CLEC2D: variants seen among roughly 807,000 people sequenced by gnomAD.
The protein encoded by CLEC2D is C-type lectin related f.
A neutral mutation model predicts 20.0 loss-of-function variants in CLEC2D; 16 were observed. The observed-to-expected ratio is 0.80, with a 90% CI of 0.54 to 1.22. CLEC2D has a LOEUF of 1.22. Among genes scored for constraint, CLEC2D ranks in the 50% most tolerant of loss-of-function variants. The pLI, the probability that CLEC2D is intolerant of heterozygous loss-of-function variation, is 0.00. For synonymous variants in CLEC2D, 77 were observed against 71.1 expected (o/e 1.08, Z -0.42); for missense variants, 207 against 221.5 (o/e 0.93, Z 0.42).
At chr12:9,678,368 T>C (rs1865567499) in intron 1 of CLEC2D, among the ~76,000 whole-genome samples, 1 of 152,198 alleles carries the variant, frequency 6.6e-6, no homozygotes, top group Non-Finnish European at 1.5e-5. Flanking sequence ...TGTGTGTCTT[T>C]ATATTTAAAG....
intron 2 of CLEC2D, among the ~76,000 whole-genome samples, chr12:9,685,797 G>C (rs777924244): frequency 2.6e-5 from 4 of 152,196 alleles, no homozygotes; most frequent in Non-Finnish European, 5.9e-5. Context: ...GGGCTCTGTG[G>C]GGATTGGACC....
rs1865971357 is a variant in CLEC2D, at chr12:9,695,772, G to A, written c.*898G>A. 3.6e-6 allele frequency: 5 copies of A among 1,383,902 alleles called. No individual in the cohort carries two copies. Among genetic ancestry groups the A allele is most frequent in the South Asian group, 2.3e-5 (2 of 86,482 alleles). The allele number at this position is 1,383,902 out of a possible 1,614,324, so 85.7% of individuals were successfully genotyped here. On this transcript the variant is annotated 3_prime_UTR_variant, in exon 5 of 5. Coordinates refer to ENST00000290855, the MANE Select transcript of CLEC2D (RefSeq NM_013269.6). Reference sequence around the variant, plus strand: ...GTGCAGAGTCAGAAGATGAAGAAGAGGAGGATGTGAAACTCTTAAGTATAT... The same window carrying A: ...GTGCAGAGTCAGAAGATGAAGAAGAAGAGGATGTGAAACTCTTAAGTATAT...
In CLEC2D at chr12:9,688,096, T is replaced by C. The variant is rs745333829; in HGVS notation, c.357+10T>C. ...AAGCTTCCAGGAACTGGTAAGAAAATAGTTCTGGCCAGAATCAAAGATTCA... is the reference window on the plus strand; with the variant it reads ...AAGCTTCCAGGAACTGGTAAGAAAACAGTTCTGGCCAGAATCAAAGATTCA... On this transcript the variant is annotated intron_variant, in intron 3 of 4. Coordinates refer to ENST00000290855, the MANE Select transcript of CLEC2D (RefSeq NM_013269.6). 9 of 1,569,664 alleles carry C rather than the reference T, an allele frequency of 5.7e-6. No homozygotes were observed. In the African/African-American group the frequency reaches 1.1e-4, roughly 19 times the overall value.
At chr12:9,674,490 C>T (rs1406276747) in intron 1 of CLEC2D, among the ~76,000 whole-genome samples, 5 of 152,182 alleles carry the variant, frequency 3.3e-5, no homozygotes, top group Admixed American at 2.0e-4. Flanking sequence ...ACCTGCCTTC[C>T]GCATTCATCT....
At chr12:9,683,329 GTGTTTGTT>G (rs1865680652) in intron 2 of CLEC2D, among the ~76,000 whole-genome samples, 25 of 83,766 alleles carry the variant, frequency 3.0e-4, no homozygotes, top group African/African-American at 9.1e-4. Flanking sequence ...TTTGTTTTTT[GTGTTTGTT>G]TTTTTTTTTT....
chr12:9,672,344 C>A (rs984766022), intron 1 of CLEC2D, among the ~76,000 whole-genome samples: 1 of 152,188 alleles, frequency 6.6e-6, no homozygotes, highest in African/African-American at 2.4e-5. Context: ...ACTTTGGAGA[C>A]ACATTCAAAC....
At chr12:9,674,567 T>C (rs1865486324) in intron 1 of CLEC2D, among the ~76,000 whole-genome samples, 4 of 152,240 alleles carry the variant, frequency 2.6e-5, no homozygotes, top group Admixed American at 2.6e-4. Context: ...AAGTATGTTT[T>C]CTTTTGTAAG....
In CLEC2D at chr12:9,687,981, A is replaced by C; in HGVS notation, c.252A>C (p.Arg84Ser). 6.2e-7 allele frequency: 1 copy of C among 1,612,848 alleles called. No individual in the cohort carries two copies. Among genetic ancestry groups the C allele is most frequent in the Non-Finnish European group, 8.5e-7 (1 of 1,179,424 alleles). The change falls in exon 3 of 5, where the codon AGA becomes AGC. Residue 84 changes from arginine (R) to serine (S), a missense_variant. Arg to Ser is a moderately radical substitution (Grantham distance 110). Transcript: ENST00000290855. ...ACPESWIGFQ[R>S]KCFYFSDDTK... ...CAGAAAGCTGGATTGGTTTTCAAAG[A>C]AAGTGTTTCTATTTTTCTGATGACA...
chr12:9,690,830 C>T (rs935386067), intron 3 of CLEC2D, among the ~76,000 whole-genome samples: 10 of 151,802 alleles, frequency 6.6e-5, no homozygotes, highest in Admixed American at 2.6e-4. Context: ...CAGTAACAGA[C>T]AACTTGAGAA....
At chr12:9,684,089 A>C (rs970705973) in intron 2 of CLEC2D, among the ~76,000 whole-genome samples, 2 of 152,112 alleles carry the variant, frequency 1.3e-5, no homozygotes, top group African/African-American at 2.4e-5. Context: ...GAGGTCCTTC[A>C]CATCTCTTGT....
intron 2 of CLEC2D, among the ~76,000 whole-genome samples, chr12:9,681,818 A>C (rs898802865): frequency 1.3e-5 from 2 of 152,202 alleles, no homozygotes; most frequent in African/African-American, 4.8e-5. Context: ...TTCATTTGCA[A>C]ATCTTTTGCT....
rs1865897497 is a variant in CLEC2D at position 9,692,903 on chromosome 12, T to C, written c.433T>C (p.Trp145Arg). The C allele has an allele frequency of 1.9e-6, 3 of 1,613,684 alleles. No individual in the cohort carries two copies. The highest frequency in any genetic ancestry group is 2.5e-6 in the Non-Finnish European group (3 of 1,179,736). ...LSREQGQPWK[W>R]INGTEWTRQF... ...CAGAGAACAAGGCCAACCATGGAAA[T>C]GGATAAATGGTACTGAATGGACAAG... The change falls in exon 4 of 5, where the codon TGG becomes CGG. Residue 145 changes from tryptophan to arginine, a missense_variant. Physicochemically the swap from Trp to Arg is moderately radical, Grantham distance 101. Coordinates refer to ENST00000290855, the MANE Select transcript of CLEC2D (RefSeq NM_013269.6).
chr12:9,679,356 TATA>T (rs1298136199), intron 1 of CLEC2D, among the ~76,000 whole-genome samples: 1 of 152,160 alleles, frequency 6.6e-6, no homozygotes, highest in African/African-American at 2.4e-5. Flanking sequence ...TGTTTTTTGA[TATA>T]AGACAAGTCT....
In CLEC2D at chr12:9,671,249, A is replaced by T. The variant is rs377562837; in HGVS notation, c.61+1454A>T. 5.3e-5 allele frequency among the ~76,000 whole-genome samples: 8 copies of T among 152,182 alleles called. No individual in the cohort carries two copies. The South Asian group carries it at 8.3e-4, about 16-fold the overall frequency. On this transcript the variant is annotated intron_variant, in intron 1 of 4. Coordinates refer to ENST00000290855, the MANE Select transcript of CLEC2D (RefSeq NM_013269.6). ...GATTTCTTTTCTTTTTTTGAGGTGG[A>T]GTCTCACTCTGTCCCCCAGGCTGGA...
chr12:9,677,125 C>G (rs925035723), intron 1 of CLEC2D, among the ~76,000 whole-genome samples: 2 of 150,670 alleles, frequency 1.3e-5, no homozygotes, highest in African/African-American at 2.4e-5. Context: ...TATTTCTGCT[C>G]TAATTATTTC....
chr12:9,674,481 C>T (rs1865484461), intron 1 of CLEC2D, among the ~76,000 whole-genome samples: 2 of 152,242 alleles, frequency 1.3e-5, no homozygotes, highest in South Asian at 4.1e-4. Flanking sequence ...GCAGAATTCA[C>T]CTGCCTTCCG....
chr12:9,695,537 G>A lies in CLEC2D; in HGVS notation c.*663G>A, dbSNP rs1865963303. On this transcript the variant is annotated 3_prime_UTR_variant, in exon 5 of 5. Transcript: ENST00000290855. ...TTAAGAACGGTCAGCTCAGGGGCTG[G>A]TGCAAAGGATGAACTGCACATTGTT... The A allele has an allele frequency of 7.8e-7, 1 of 1,287,270 alleles. No homozygotes were observed. Among genetic ancestry groups the A allele is most frequent in the Non-Finnish European group, 1.1e-6 (1 of 898,294 alleles). The allele number at this position is 1,287,270 out of a possible 1,614,324, so 79.7% of individuals were successfully genotyped here. A position where few individuals can be genotyped will look rare whatever the true frequency, so the allele number is the denominator to read the frequency against.
Position 9,696,398 on chromosome 12 carries a change from T to G in CLEC2D, c.*1524T>G. The G allele has an allele frequency of 2.1e-6, 1 of 484,080 alleles. No homozygotes were observed. Among genetic ancestry groups the G allele is most frequent in the East Asian group, 3.6e-5 (1 of 27,416 alleles). The allele number at this position is 484,080 out of a possible 1,614,324, so 30.0% of individuals were successfully genotyped here. A position where few individuals can be genotyped will look rare whatever the true frequency, so the allele number is the denominator to read the frequency against. On this transcript the variant is annotated 3_prime_UTR_variant, in exon 5 of 5. Coordinates refer to ENST00000290855, the MANE Select transcript of CLEC2D (RefSeq NM_013269.6). ...AGAATGTGTTGTCCAAAATGCCTGT[T>G]TAGTTTTTAAAGATGGAACTCCACC...
At chr12:9,686,557 C>A (rs1249000391) in intron 2 of CLEC2D, among the ~76,000 whole-genome samples, 1 of 152,132 alleles carries the variant, frequency 6.6e-6, no homozygotes, top group East Asian at 1.9e-4. Flanking sequence ...TCTCATCTCA[C>A]AAGAGCCAAA....
Sources: gnomAD v4.1 joint callset for allele counts (sites outside exome capture counted in the v4.1 genomes callset) on GRCh38, gnomAD v4.1.1 for gene constraint, MANE v1.5 for transcripts, NCBI Gene and HGNC (gene_info 2026-07-23, HGNC 2026-07-21) for gene names.